Variants in CENPO observed in about 807,000 individuals in gnomAD.
CENPO encodes the protein centromere protein O.
A neutral mutation model predicts 36.1 loss-of-function variants in CENPO; 30 were observed. The ratio of observed to expected loss-of-function variants is 0.83; its 90% confidence interval spans 0.62 to 1.13. CENPO has a LOEUF of 1.13. Among genes scored for constraint, CENPO ranks in the 50% most tolerant of loss-of-function variants. CENPO has a pLI of 0.00. For missense variants in CENPO, 349 were observed against 357.8 expected (o/e 0.98, Z 0.20); for synonymous variants, 171 against 142.3 (o/e 1.20, Z -1.44).
intron 3 of CENPO, among the ~76,000 whole-genome samples, chr2:24,804,657 C>T (rs1443305371): frequency 6.6e-6 from 1 of 152,212 alleles, no homozygotes; most frequent in East Asian, 1.9e-4. Flanking sequence ...CATTGGCCCC[C>T]ACTCTCTTCT....
chr2:24,805,160 A>G (rs1284312854), intron 3 of CENPO, among the ~76,000 whole-genome samples: 3 of 152,106 alleles, frequency 2.0e-5, no homozygotes, highest in African/African-American at 4.8e-5. Context: ...GTCTCACGCC[A>G]TGGTTTTCAG....
chr2:24,814,673 C>T (rs1666860250), intron 4 of CENPO, 180 bp downstream of exon 4: 2 of 574,478 alleles, frequency 3.5e-6, no homozygotes, highest in Non-Finnish European at 6.2e-6. Context: ...TATTTGTAGG[C>T]CTATCTTCAC....
At chr2:24,793,660 G>T in intron 1 of CENPO, 159 bp downstream of exon 1, 1 of 1,208,636 alleles carries the variant, frequency 8.3e-7, no homozygotes, top group South Asian at 1.6e-5. Flanking sequence ...GCCGCGGGAT[G>T]GGCGCGGGGG....
At chr2:24,793,704 G>A in intron 1 of CENPO, 148 bp from the exon 2 acceptor site, 2 of 966,494 alleles carry the variant, frequency 2.1e-6, no homozygotes, top group South Asian at 1.6e-5. Context: ...GACGATGGGA[G>A]AGGGCGGGCG....
intron 2 of CENPO, among the ~76,000 whole-genome samples, chr2:24,797,446 C>A (rs561185216): frequency 6.6e-6 from 1 of 152,178 alleles, no homozygotes; most frequent in African/African-American, 2.4e-5. Flanking sequence ...TGTGTGGCAT[C>A]GACATGTATG....
intron 2 of CENPO, among the ~76,000 whole-genome samples, chr2:24,794,839 G>C (rs41523444): frequency 0.03 from 4,509 of 152,228 alleles, 83 homozygotes; most frequent in East Asian, 0.066. Context: ...AATCCAAAGG[G>C]TTCTACGTTA....
At chr2:24,810,950 TA>T (rs1195164911) in intron 3 of CENPO, among the ~76,000 whole-genome samples, 2 of 151,756 alleles carry the variant, frequency 1.3e-5, no homozygotes, top group Non-Finnish European at 2.9e-5. Context: ...TTATTATTGT[TA>T]TTTTTTTTTT....
At position 24,799,792 on chromosome 2, in the gene CENPO, T is replaced by G; in HGVS notation, c.164T>G (p.Leu55Arg). The stretch of plus-strand genomic sequence containing the variant: ...GCTCTTGGAACCAAGATTCATAAAC[T>G]AAGGCGTCTGCGAGATGAGCTGAGG... ...EGALGTKIHKLRRLRDELRAV... is the reference protein window; with the variant it reads ...EGALGTKIHKRRRLRDELRAV... Residue 55 changes from leucine (L) to arginine (R), a missense_variant, in exon 3 of 8, where the codon CTA becomes CGA. Leu to Arg is a moderately radical substitution (Grantham distance 102, BLOSUM62 -2). Transcript: ENST00000380834. 1 of 1,613,864 alleles carries G rather than the reference T, an allele frequency of 6.2e-7. No homozygotes were observed.
intron 3 of CENPO, among the ~76,000 whole-genome samples, chr2:24,811,889 C>T (rs1201746403): frequency 1.3e-5 from 2 of 152,196 alleles, no homozygotes; most frequent in Non-Finnish European, 2.9e-5. Flanking sequence ...AGCCACCGCG[C>T]CTGGCAAGTC....
intron 2 of CENPO, among the ~76,000 whole-genome samples, chr2:24,797,891 T>C (rs1665982630): frequency 6.6e-6 from 1 of 152,016 alleles, no homozygotes; most frequent in African/African-American, 2.4e-5. Context: ...CAGAAGTGAG[T>C]TTCAAGTGGG....
intron 2 of CENPO, among the ~76,000 whole-genome samples, chr2:24,794,286 T>C (rs1266155503): frequency 6.6e-6 from 1 of 152,234 alleles, no homozygotes; most frequent in African/African-American, 2.4e-5. Flanking sequence ...TGCATTACTC[T>C]TGAGGGAGGG....
rs1279177432 is a variant in CENPO at position 24,821,413 on chromosome 2, G to A, written c.*2095G>A. On this transcript the variant is annotated 3_prime_UTR_variant, in exon 8 of 8. Coordinates refer to ENST00000380834, the MANE Select transcript of CENPO (RefSeq NM_001322101.2). ...TGTGAGTGCGTGAACCTCCCCACCC[G>A]AATTGCCTCAGTTGTCCTGAGCCTC... The A allele has an allele frequency of 9.3e-6, 14 of 1,498,968 alleles. No individual in the cohort carries two copies. Among genetic ancestry groups the A allele is most frequent in the East Asian group, 9.2e-5 (4 of 43,704 alleles). The allele number at this position is 1,498,968 out of a possible 1,614,324, so 92.9% of individuals were successfully genotyped here.
chr2:24,798,100 G>A (rs1363448322), intron 2 of CENPO, among the ~76,000 whole-genome samples: 7 of 152,112 alleles, frequency 4.6e-5, no homozygotes, highest in Non-Finnish European at 1.0e-4. Context: ...TCCCAATTCC[G>A]AAATCTGAAA....
chr2:24,809,561 G>C (rs1004967746), intron 3 of CENPO, among the ~76,000 whole-genome samples: 2 of 148,524 alleles, frequency 1.3e-5, no homozygotes, highest in Non-Finnish European at 3.0e-5. Context: ...TTTGTTTTTT[G>C]TATTGTTTTT....
chr2:24,806,134 A>G (rs542035689), intron 3 of CENPO, among the ~76,000 whole-genome samples: 3 of 152,368 alleles, frequency 2.0e-5, no homozygotes, highest in African/African-American at 7.2e-5. Context: ...GGCGCGGGAT[A>G]TAATCTCCTG....
chr2:24,811,515 G>A (rs1666690163), intron 3 of CENPO, among the ~76,000 whole-genome samples: 1 of 150,768 alleles, frequency 6.6e-6, no homozygotes, highest in Non-Finnish European at 1.5e-5. Flanking sequence ...AGGCTGGAGT[G>A]CAGTGGTGCG....
chr2:24,795,785 C>A (rs1161886101), intron 2 of CENPO, among the ~76,000 whole-genome samples: 1 of 152,130 alleles, frequency 6.6e-6, no homozygotes, highest in African/African-American at 2.4e-5. Flanking sequence ...TTTGTAAGCT[C>A]CGTGAGGACA....
chr2:24,799,436 G>C (rs923576356), intron 2 of CENPO, among the ~76,000 whole-genome samples: 1 of 152,038 alleles, frequency 6.6e-6, no homozygotes, highest in African/African-American at 2.4e-5. Context: ...ATCCTCTCTC[G>C]GGCTGTCTTT....
At chr2:24,806,345 G>A (rs1200854057) in intron 3 of CENPO, among the ~76,000 whole-genome samples, 4 of 152,162 alleles carry the variant, frequency 2.6e-5, no homozygotes, top group Admixed American at 1.3e-4. Flanking sequence ...CCCACGGTCC[G>A]ACACTTCCCA....
Sources: gnomAD v4.1 joint callset for allele counts (sites outside exome capture counted in the v4.1 genomes callset) on GRCh38, gnomAD v4.1.1 for gene constraint, MANE v1.5 for transcripts, NCBI Gene and HGNC (gene_info 2026-07-23, HGNC 2026-07-21) for gene names.